KIF27: variants seen among roughly 807,000 people sequenced by gnomAD.
KIF27 encodes the protein kinesin family member 27.
In KIF27, 84 loss-of-function variants were observed where a neutral mutation model predicts 141.8. The ratio of observed to expected loss-of-function variants is 0.59; its 90% CI spans 0.50 to 0.71. The LOEUF (loss-of-function observed/expected upper bound fraction) is 0.71. Ranked by LOEUF, KIF27 falls within the 30% of genes least tolerant of loss-of-function variation. The pLI, the probability that KIF27 is intolerant of heterozygous loss-of-function variation, is 0.00. For synonymous variants in KIF27, 471 were observed against 569.5 expected, an observed-to-expected ratio of 0.83 and a Z score of 2.46; for missense variants, 1,306 against 1,628.4, an observed-to-expected ratio of 0.80 and a Z score of 3.41.
In KIF27 at chr9:83,912,746, G is replaced by A. The variant is rs561347233; in HGVS notation, c.298+2548C>T. ...TTTATACCTCAACAACTCTCATTTAGCTATTATATGGTATTTAAAGAGTAC... is the reference window on the plus strand; with the variant it reads ...TTTATACCTCAACAACTCTCATTTAACTATTATATGGTATTTAAAGAGTAC... On this transcript the variant is annotated intron_variant, in intron 2 of 17. Transcript: ENST00000297814. Among the ~76,000 whole-genome samples the A allele has an allele frequency of 3.6e-4, 55 of 152,164 alleles. No individual in the cohort carries two copies. In the South Asian group the frequency reaches 6.2e-3, roughly 17 times the overall value.
intron 4 of KIF27, 119 bp downstream of exon 4, chr9:83,902,941 C>G (rs1261605479): frequency 8.1e-5 from 47 of 577,556 alleles, no homozygotes; most frequent in Non-Finnish European, 1.1e-4. Context: ...TAAATTTAGT[C>G]CTTAAAAGAG....
At chr9:83,885,007 C>T (rs539779782) in intron 9 of KIF27, among the ~76,000 whole-genome samples, 6 of 152,080 alleles carry the variant, frequency 3.9e-5, no homozygotes, top group Non-Finnish European at 8.8e-5. Flanking sequence ...AATAGGCAAC[C>T]GTCCCTGAAC....
Position 83,915,466 on chromosome 9 carries a change from A to G in KIF27, c.126T>C (p.Asp42=), listed in dbSNP as rs761818271. ...PNSQQVIIGR[D]RVFTFDFVFG... is the part of the protein sequence containing the mutation. ...AAACAAAATCAAAAGTGAAGACTCT[A>G]TCTCTCCCAATGATAACTTGCTGGC... Residue 42 remains aspartate (D), a synonymous_variant, in exon 2 of 18, where the codon GAT becomes GAC. Transcript: ENST00000297814. 4 of 1,613,870 alleles carry G rather than the reference A, an allele frequency of 2.5e-6. No individual in the cohort carries two copies. The highest frequency in any genetic ancestry group is 3.4e-6 in the Non-Finnish European group (4 of 1,179,830).
chr9:83,878,496 C>T (rs1439365985), intron 11 of KIF27, among the ~76,000 whole-genome samples: 1 of 152,172 alleles, frequency 6.6e-6, no homozygotes, highest in Non-Finnish European at 1.5e-5. Context: ...ATGGTAGAAA[C>T]AACTCAAGTG....
At chr9:83,879,280 A>G (rs1342550369) in intron 11 of KIF27, among the ~76,000 whole-genome samples, 1 of 151,962 alleles carries the variant, frequency 6.6e-6, no homozygotes, top group Admixed American at 6.6e-5. Flanking sequence ...AACTTGGTTT[A>G]AATGCTCTTT....
At chr9:83,899,865 T>G (rs1364791051) in intron 4 of KIF27, 61 bp from the exon 5 acceptor site, 3 of 1,422,184 alleles carry the variant, frequency 2.1e-6, no homozygotes, top group Non-Finnish European at 9.5e-7. Context: ...AAACCCCATA[T>G]GATAACACAA....
intron 5 of KIF27, among the ~76,000 whole-genome samples, chr9:83,893,451 T>C (rs922422193): frequency 5.3e-5 from 8 of 151,948 alleles, no homozygotes; most frequent in African/African-American, 7.3e-5. Context: ...AAATCAGAGA[T>C]AGTATGTTAT....
At chr9:83,877,697 G>C (rs909293976) in intron 11 of KIF27, among the ~76,000 whole-genome samples, 1 of 151,978 alleles carries the variant, frequency 6.6e-6, no homozygotes, top group Non-Finnish European at 1.5e-5. Context: ...CATATCAAAG[G>C]ATATTATCAA....
In KIF27 at chr9:83,863,759, T is replaced by C. The variant is rs1162478380; in HGVS notation, c.2934+3925A>G. 4 of 152,232 alleles carry C rather than the reference T, an allele frequency of 2.6e-5. No homozygotes were observed. In the East Asian group the frequency reaches 7.7e-4, roughly 29 times the overall value. 9.4% of individuals were successfully genotyped at this position (152,232 alleles called of 1,614,324 possible). A position where few individuals can be genotyped will look rare whatever the true frequency, so the allele number is the denominator to read the frequency against. ...TAGGTTCAGAAGGAATGGTACCAGC[T>C]CCTCCTTGTACCTCTGGTAGAATTC... On this transcript the variant is annotated intron_variant, in intron 13 of 17. Coordinates refer to ENST00000297814, the MANE Select transcript of KIF27 (RefSeq NM_017576.4).
At chr9:83,863,392 T>C (rs1197299644) in intron 13 of KIF27, among the ~76,000 whole-genome samples, 18 of 152,226 alleles carry the variant, frequency 1.2e-4, no homozygotes, top group Non-Finnish European at 2.2e-4. Context: ...TGAAGGGCTG[T>C]TGAATTTTGT....
chr9:83,871,047 A>G (rs1333844013), intron 11 of KIF27, among the ~76,000 whole-genome samples: 2 of 152,056 alleles, frequency 1.3e-5, no homozygotes, highest in African/African-American at 4.8e-5. Flanking sequence ...AGTAGCTAGG[A>G]CTACAGGTGT....
chr9:83,890,917 T>C (rs1407374423), intron 6 of KIF27, among the ~76,000 whole-genome samples: 1 of 152,230 alleles, frequency 6.6e-6, no homozygotes, highest in Admixed American at 6.5e-5. Context: ...CATATAAATA[T>C]TATTTCAAAA....
chr9:83,911,905 G>A (rs530333344), intron 2 of KIF27, among the ~76,000 whole-genome samples: 72 of 152,250 alleles, frequency 4.7e-4, no homozygotes, highest in Non-Finnish European at 7.2e-4. Context: ...CAGAGAATGC[G>A]GGGAGAGCTA....
At position 83,884,054 on chromosome 9, in the gene KIF27, A is replaced by G; in HGVS notation, c.2240-36T>C. The G allele has an allele frequency of 2.2e-6, 3 of 1,390,384 alleles. No individual in the cohort carries two copies. The East Asian group carries it at 7.4e-5, about 34-fold the overall frequency. The allele number at this position is 1,390,384 out of a possible 1,614,324, so 86.1% of individuals were successfully genotyped here. ...ATAATAATTATTATTAGTATAAATT[A>G]TGTAAAAAGAAGTTAAACATCCAAA... On this transcript the variant is annotated intron_variant, in intron 9 of 17. Coordinates refer to ENST00000297814, the MANE Select transcript of KIF27 (RefSeq NM_017576.4).
intron 17 of KIF27, chr9:83,837,756 A>G: frequency 8.6e-6 from 2 of 233,268 alleles, no homozygotes; most frequent in Non-Finnish European, 1.7e-5. Context: ...CTCCCTGGAA[A>G]CATAAGAGTG....
chr9:83,889,262 T>C lies in KIF27; in HGVS notation c.1810-9A>G, dbSNP rs767019851. On this transcript the variant is annotated splice_polypyrimidine_tract_variant and intron_variant, in intron 6 of 17. Transcript: ENST00000297814. ...GGCGGACTTGTGTGGACCTTGCAAGTGATTCCCCCACCCAACAACAAAAAA... is the reference window on the plus strand; with the variant it reads ...GGCGGACTTGTGTGGACCTTGCAAGCGATTCCCCCACCCAACAACAAAAAA... 1.3e-6 allele frequency: 2 copies of C among 1,579,996 alleles called. No individual in the cohort carries two copies. The highest frequency in any genetic ancestry group is 1.7e-6 in the Non-Finnish European group (2 of 1,159,568).
At chr9:83,916,832 T>A (rs971045854) in intron 1 of KIF27, among the ~76,000 whole-genome samples, 1 of 152,028 alleles carries the variant, frequency 6.6e-6, no homozygotes, top group Non-Finnish European at 1.5e-5. Context: ...CCTGGCTAAT[T>A]TTTTCTATTT....
chr9:83,867,629 T>G, intron 13 of KIF27, 55 bp downstream of exon 13: 1 of 1,498,294 alleles, frequency 6.7e-7, no homozygotes, highest in Admixed American at 2.4e-5. Context: ...GCCATCCTAG[T>G]GGGGAGTAGG....
At chr9:83,861,349 GC>G (rs1404352393) in intron 13 of KIF27, among the ~76,000 whole-genome samples, 1 of 151,030 alleles carries the variant, frequency 6.6e-6, no homozygotes, top group African/African-American at 2.4e-5. Context: ...CCCACAACAG[GC>G]CCCGGTGTGT....
Sources: allele counts gnomAD v4.1 joint callset (sites outside exome capture counted in the v4.1 genomes callset), GRCh38; gene constraint gnomAD v4.1.1; transcripts MANE v1.5; gene names NCBI Gene and HGNC (gene_info 2026-07-23, HGNC 2026-07-21).